Variants in COPG2 observed in about 807,000 individuals in gnomAD.
The protein encoded by COPG2 is coatomer subunit gamma-2.
A neutral mutation model predicts 46.3 loss-of-function variants in COPG2; 37 were observed. That is an observed-to-expected ratio of 0.80 (90% CI 0.61 to 1.05). The LOEUF (loss-of-function observed/expected upper bound fraction) is 1.05. Ranked by LOEUF, COPG2 falls within the 50% of genes least tolerant of loss-of-function variation. COPG2 has a pLI of 0.00. For synonymous variants in COPG2, 159 were observed against 129.7 expected, an observed-to-expected ratio of 1.23 and a Z score of -1.53; for missense variants, 427 against 387.8, an observed-to-expected ratio of 1.10 and a Z score of -0.85.
chr7:130,628,248 C>T (rs573993935), intron 5 of COPG2, among the ~76,000 whole-genome samples: 1 of 152,062 alleles, frequency 6.6e-6, no homozygotes, highest in Non-Finnish European at 1.5e-5. Context: ...TCCTCTACCC[C>T]CGCCCCCTTT....
intron 9 of COPG2, chr7:130,605,167 C>T (rs782177395): frequency 1.9e-6 from 1 of 518,574 alleles, no homozygotes; most frequent in South Asian, 1.4e-5. Context: ...CTCTGTTCTT[C>T]AAACTAGCTA....
intron 9 of COPG2, among the ~76,000 whole-genome samples, chr7:130,580,554 G>A (rs1289433776): frequency 2.2e-5 from 3 of 134,770 alleles, no homozygotes; most frequent in Admixed American, 1.5e-4. Context: ...AATGAATCCA[G>A]GAGCTGGTTT....
chr7:130,558,739 C>T (rs1793670674), intron 12 of COPG2, among the ~76,000 whole-genome samples: 1 of 152,126 alleles, frequency 6.6e-6, no homozygotes, highest in Non-Finnish European at 1.5e-5. Flanking sequence ...CCAGGCTGGT[C>T]TTGAACTCCT....
At chr7:130,649,615 T>C (rs1936239456) in intron 5 of COPG2, among the ~76,000 whole-genome samples, 1 of 152,204 alleles carries the variant, frequency 6.6e-6, no homozygotes, top group South Asian at 2.1e-4. Context: ...CTTTAATGCA[T>C]TTCCACCATC....
At chr7:130,643,716 G>A (rs1795536907) in intron 5 of COPG2, among the ~76,000 whole-genome samples, 1 of 152,168 alleles carries the variant, frequency 6.6e-6, no homozygotes, top group Non-Finnish European at 1.5e-5. Flanking sequence ...CCAGCACTTT[G>A]GGAGGCCAAG....
At chr7:130,609,294 G>A (rs1343509820) in intron 9 of COPG2, among the ~76,000 whole-genome samples, 1 of 152,174 alleles carries the variant, frequency 6.6e-6, no homozygotes, top group Non-Finnish European at 1.5e-5. Context: ...GGAGGTAATT[G>A]AATCATGGGG....
intron 20 of COPG2, among the ~76,000 whole-genome samples, chr7:130,511,110 A>G (rs1317121779): frequency 6.6e-6 from 1 of 152,156 alleles, no homozygotes; most frequent in Non-Finnish European, 1.5e-5. Flanking sequence ...GGAGAGGGAC[A>G]TGTGAGTTGG....
chr7:130,532,765 G>A (rs1799841143), intron 20 of COPG2, among the ~76,000 whole-genome samples: 1 of 152,250 alleles, frequency 6.6e-6, no homozygotes, highest in East Asian at 1.9e-4. Flanking sequence ...TTGGCCACTG[G>A]ATCGTGAGCA....
chr7:130,555,155 T>C, intron 12 of COPG2, 23 bp from the exon 13 acceptor site: 1 of 398,118 alleles, frequency 2.5e-6, no homozygotes, highest in Non-Finnish European at 4.4e-6. Context: ...AAAAAGAATA[T>C]TCATTTTTAT....
chr7:130,551,164 C>T lies in COPG2; in HGVS notation c.1648+77G>A, dbSNP rs1190963142. 244 of 396,654 alleles carry T rather than the reference C, an allele frequency of 6.2e-4. 2 individuals carry two copies. Among genetic ancestry groups the T allele is most frequent in the Non-Finnish European group, 1.1e-4 (25 of 225,046 alleles). 24.6% of individuals were successfully genotyped at this position (396,654 alleles called of 1,614,324 possible). A position where few individuals can be genotyped will look rare whatever the true frequency, so the allele number is the denominator to read the frequency against. On this transcript the variant is annotated intron_variant, in intron 16 of 23. Transcript: ENST00000425248. ...CCAAGCATTTGCCTAGTGAAGTTAG[C>T]TCATATGCAAATCATAAAATATGCT... is the stretch of plus-strand genomic sequence containing the variant.
At chr7:130,593,717 T>A (rs1019718686) in intron 9 of COPG2, among the ~76,000 whole-genome samples, 2 of 151,524 alleles carry the variant, frequency 1.3e-5, no homozygotes, top group African/African-American at 4.9e-5. Flanking sequence ...GGTTTTCATA[T>A]GGAGAAGAAA....
chr7:130,630,874 CTT>C (rs1795215933), intron 5 of COPG2, among the ~76,000 whole-genome samples: 1 of 152,100 alleles, frequency 6.6e-6, no homozygotes, highest in South Asian at 2.1e-4. Context: ...TTGGATTTGG[CTT>C]TTTTAAGAAA....
At chr7:130,594,042 G>A (rs868941769) in intron 9 of COPG2, among the ~76,000 whole-genome samples, 3 of 151,800 alleles carry the variant, frequency 2.0e-5, no homozygotes, top group Admixed American at 6.6e-5. Context: ...AATCAACATC[G>A]GACTCACATT....
chr7:130,527,323 G>A (rs1200162776), intron 20 of COPG2, among the ~76,000 whole-genome samples: 2 of 151,376 alleles, frequency 1.3e-5, no homozygotes, highest in African/African-American at 2.4e-5. Context: ...TGGCATACAT[G>A]GGGGTAAGGG....
intron 20 of COPG2, chr7:130,546,873 G>A (rs1218298273): frequency 2.6e-5 from 4 of 152,108 alleles, no homozygotes; most frequent in Non-Finnish European, 5.9e-5. Flanking sequence ...CTGTACTTAC[G>A]AGCAGTAAAA....
intron 9 of COPG2, among the ~76,000 whole-genome samples, chr7:130,583,675 C>G (rs1239229622): frequency 6.7e-6 from 1 of 150,218 alleles, no homozygotes; most frequent in African/African-American, 2.4e-5. Flanking sequence ...CATGGTGGCG[C>G]ATGCCTGTAG....
chr7:130,573,599 C>A (rs1793949108), intron 9 of COPG2, among the ~76,000 whole-genome samples: 1 of 152,012 alleles, frequency 6.6e-6, no homozygotes, highest in Admixed American at 6.6e-5. Flanking sequence ...TAATCATCTT[C>A]ACAGATGAAT....
At chr7:130,572,278 T>A (rs1414850969) in intron 9 of COPG2, among the ~76,000 whole-genome samples, 1 of 152,140 alleles carries the variant, frequency 6.6e-6, no homozygotes, top group Non-Finnish European at 1.5e-5. Context: ...TAGTTGGAGA[T>A]GTCTAGTCCC....
intron 20 of COPG2, among the ~76,000 whole-genome samples, chr7:130,523,366 T>C (rs1000692751): frequency 4.0e-5 from 6 of 151,786 alleles, no homozygotes; most frequent in East Asian, 1.9e-4. Context: ...AAAAGGAACA[T>C]AGACAATAGC....
Sources: allele counts gnomAD v4.1 joint callset (sites outside exome capture counted in the v4.1 genomes callset), GRCh38; gene constraint gnomAD v4.1.1; transcripts MANE v1.5; gene names NCBI Gene and HGNC (gene_info 2026-07-23, HGNC 2026-07-21).